SYNDIG1L: variants seen among roughly 807,000 people sequenced by gnomAD.
The protein encoded by SYNDIG1L is synapse differentiation inducing 1 like.
In SYNDIG1L, 13 loss-of-function variants were observed where a neutral mutation model predicts 20.1. The ratio of observed to expected loss-of-function variants is 0.65; its 90% CI spans 0.42 to 1.03. The LOEUF is 1.03. Ranked by LOEUF, SYNDIG1L falls within the 50% of genes least tolerant of loss-of-function variation. The pLI is 0.00. For missense variants in SYNDIG1L, 294 were observed against 305.1 expected, an observed-to-expected ratio of 0.96 and a Z score of 0.27; for synonymous variants, 128 against 129.3, an observed-to-expected ratio of 0.99 and a Z score of 0.07.
At chr14:74,466,163 G>A in the SYNDIG1L span, among the ~76,000 whole-genome samples, 96 of 152,268 alleles carry the variant, frequency 6.3e-4, no homozygotes, top group African/African-American at 2.1e-3. Flanking sequence ...CTCTGGCTGC[G>A]GGAGCCTGAG....
At chr14:74,421,923 C>T (rs1376971266) in intron 1 of SYNDIG1L, among the ~76,000 whole-genome samples, 2 of 152,174 alleles carry the variant, frequency 1.3e-5, no homozygotes, top group African/African-American at 4.8e-5. Context: ...CCCTGGGCTC[C>T]CATGGGCCAG....
At chr14:74,455,967 G>A in the SYNDIG1L span, among the ~76,000 whole-genome samples, 6 of 152,202 alleles carry the variant, frequency 3.9e-5, no homozygotes, top group Non-Finnish European at 8.8e-5. Context: ...AGCAAACAAA[G>A]TGAAATAACT....
the SYNDIG1L span, among the ~76,000 whole-genome samples, chr14:74,451,780 A>G: frequency 2.0e-5 from 3 of 152,174 alleles, no homozygotes; most frequent in African/African-American, 7.2e-5. Context: ...TCACGAGGTC[A>G]GGAGTTCGAG....
chr14:74,431,238 T>C, the SYNDIG1L span, among the ~76,000 whole-genome samples: 4 of 151,504 alleles, frequency 2.6e-5, no homozygotes, highest in African/African-American at 9.7e-5. Flanking sequence ...TGCATGTGCG[T>C]GTGTGTGTGT....
the SYNDIG1L span, among the ~76,000 whole-genome samples, chr14:74,464,293 G>C: frequency 6.6e-6 from 1 of 152,144 alleles, no homozygotes; most frequent in African/African-American, 2.4e-5. Flanking sequence ...ATGCGCCCAT[G>C]CTGGCTTAGG....
At chr14:74,426,302 C>T (rs994811908), upstream of SYNDIG1L, among the ~76,000 whole-genome samples, 3 of 152,272 alleles carry the variant, frequency 2.0e-5, no homozygotes, top group South Asian at 4.1e-4. Context: ...TTCCACGCTC[C>T]GGAATCAGCC....
chr14:74,466,680 G>A, the SYNDIG1L span, among the ~76,000 whole-genome samples: 12 of 152,202 alleles, frequency 7.9e-5, 1 homozygote, highest in South Asian at 4.2e-4. Flanking sequence ...CTCCCCTCCC[G>A]CTTCCATCAC....
the SYNDIG1L span, among the ~76,000 whole-genome samples, chr14:74,456,023 CCCAGGTCTTTAGATTCCAAA>C: frequency 6.6e-6 from 1 of 152,200 alleles, no homozygotes; most frequent in East Asian, 1.9e-4. Flanking sequence ...AGGATTTGAA[CCCAGGTCTTTAGATTCCAAA>C]TCCAATGATT....
rs746747261 is a variant in SYNDIG1L at position 74,407,472 on chromosome 14, A to G, written c.*63T>C. The G allele has an allele frequency of 8.0e-5, 129 of 1,604,040 alleles. No individual in the cohort carries two copies. Among genetic ancestry groups the G allele is most frequent in the Non-Finnish European group, 1.0e-4 (121 of 1,177,320 alleles). ...GGCCGGGCCTTTCCATAGGGTCTGC[A>G]ACTCCAAGCCCCACTGCTTCCTCAG... On this transcript the variant is annotated 3_prime_UTR_variant, in exon 4 of 4. Transcript: ENST00000331628.
upstream of SYNDIG1L, among the ~76,000 whole-genome samples, chr14:74,426,947 A>T (rs991570847): frequency 2.6e-5 from 4 of 152,026 alleles, no homozygotes; most frequent in African/African-American, 9.7e-5. Flanking sequence ...GTGAGGGGTC[A>T]TATGAGGACA....
At chr14:74,453,203 C>T in the SYNDIG1L span, among the ~76,000 whole-genome samples, 1 of 151,332 alleles carries the variant, frequency 6.6e-6, no homozygotes, top group African/African-American at 2.4e-5. Context: ...AAAAATTAGC[C>T]AGGCGTGGTG....
At chr14:74,418,427 AT>A (rs1461644639) in intron 1 of SYNDIG1L, among the ~76,000 whole-genome samples, 2 of 152,230 alleles carry the variant, frequency 1.3e-5, no homozygotes, top group Non-Finnish European at 2.9e-5. Context: ...ACTGCTCCTA[AT>A]TCCTGATCCT....
Position 74,407,344 on chromosome 14 carries a change from G to A in SYNDIG1L, c.*191C>T. On this transcript the variant is annotated 3_prime_UTR_variant, in exon 4 of 4. Transcript: ENST00000331628. ...AGAGTGGCGCCCCGGGCCCTGCTCT[G>A]GGGCTGGGAGCAGCGGGCAAGCAGA... is the stretch of plus-strand genomic sequence containing the variant. The A allele has an allele frequency of 1.2e-6, 1 of 806,420 alleles. No individual in the cohort carries two copies. Among genetic ancestry groups the A allele is most frequent in the South Asian group, 1.8e-5 (1 of 55,316 alleles). 50.0% of individuals were successfully genotyped at this position (806,420 alleles called of 1,614,324 possible). A position where few individuals can be genotyped will look rare whatever the true frequency, so the allele number is the denominator to read the frequency against.
At chr14:74,447,208 C>T in the SYNDIG1L span, among the ~76,000 whole-genome samples, 2 of 152,118 alleles carry the variant, frequency 1.3e-5, no homozygotes, top group Non-Finnish European at 2.9e-5. Context: ...TAAGCAAAAT[C>T]ATAGATAAAG....
chr14:74,456,359 G>A, the SYNDIG1L span, among the ~76,000 whole-genome samples: 20 of 152,134 alleles, frequency 1.3e-4, 1 homozygote, highest in East Asian at 3.9e-4. Flanking sequence ...GTGAAACCCC[G>A]TCTCTACTAA....
chr14:74,414,921 T>C (rs912627338), intron 1 of SYNDIG1L, among the ~76,000 whole-genome samples: 1 of 152,106 alleles, frequency 6.6e-6, no homozygotes, highest in Non-Finnish European at 1.5e-5. Flanking sequence ...GAGTAAGAAC[T>C]GGAGGGTCAG....
chr14:74,465,533 C>A, the SYNDIG1L span, among the ~76,000 whole-genome samples: 1 of 152,218 alleles, frequency 6.6e-6, no homozygotes, highest in African/African-American at 2.4e-5. Context: ...TTGTGAACAT[C>A]AGTTGGCACA....
At chr14:74,441,970 AG>A in the SYNDIG1L span, among the ~76,000 whole-genome samples, 13 of 152,208 alleles carry the variant, frequency 8.5e-5, no homozygotes, top group African/African-American at 3.1e-4. Flanking sequence ...GTGCTGCTTA[AG>A]CATTGCAGGG....
chr14:74,475,236 G>C, the SYNDIG1L span, among the ~76,000 whole-genome samples: 90 of 151,544 alleles, frequency 5.9e-4, 1 homozygote, highest in South Asian at 4.0e-3. Context: ...TAATACTAAC[G>C]ACCTTTCTCA....
Sources: gnomAD v4.1 joint callset for allele counts (sites outside exome capture counted in the v4.1 genomes callset) on GRCh38, gnomAD v4.1.1 for gene constraint, MANE v1.5 for transcripts, NCBI Gene and HGNC (gene_info 2026-07-23, HGNC 2026-07-21) for gene names.